The following FAF1 variants were observed in gnomAD, a reference collection of about 807,000 sequenced individuals.
FAF1 encodes FAS-associated factor 1.
In FAF1, 25 loss-of-function variants were observed where a neutral mutation model predicts 92.5. That is an observed-to-expected ratio of 0.27 (90% CI 0.20 to 0.38). The LOEUF (loss-of-function observed/expected upper bound fraction) is 0.38, where lower values mean the gene tolerates loss of function less well. Among genes scored for constraint, FAF1 ranks in the 10% least tolerant of loss-of-function variants. FAF1 has a pLI of 1.00. For missense variants in FAF1, 636 were observed against 793.3 expected (o/e 0.80, Z 2.38); for synonymous variants, 234 against 273.2 (o/e 0.86, Z 1.42).
intron 1 of FAF1, among the ~76,000 whole-genome samples, chr1:50,873,660 T>C (rs72904726): frequency 0.066 from 10,086 of 152,294 alleles, 410 homozygotes; most frequent in East Asian, 0.094. Flanking sequence ...ACTCCTTTTC[T>C]AGGGATTTCT....
intron 1 of FAF1, among the ~76,000 whole-genome samples, chr1:50,919,074 G>A (rs947445206): frequency 1.3e-5 from 2 of 152,086 alleles, no homozygotes; most frequent in Non-Finnish European, 1.5e-5. Context: ...TGAAGTGTCA[G>A]GAATGTTATT....
At chr1:50,810,208 T>C (rs368064681) in intron 2 of FAF1, among the ~76,000 whole-genome samples, 75 of 152,118 alleles carry the variant, frequency 4.9e-4, no homozygotes, top group South Asian at 1.9e-3. Context: ...TGAACCAAGA[T>C]TGCACCATTG....
chr1:50,739,019 T>C, intron 5 of FAF1, 65 bp from the exon 6 acceptor site: 7 of 1,016,026 alleles, frequency 6.9e-6, no homozygotes, highest in Non-Finnish European at 1.0e-5. Context: ...TGATTTTTCC[T>C]GTAATTCTTG....
intron 6 of FAF1, among the ~76,000 whole-genome samples, chr1:50,731,375 T>A (rs966083056): frequency 2.7e-4 from 40 of 149,946 alleles, no homozygotes; most frequent in Non-Finnish European, 5.5e-4. Context: ...CTTTTCTCTT[T>A]TTTTTTTTTT....
intron 4 of FAF1, among the ~76,000 whole-genome samples, chr1:50,771,921 C>CA (rs1390574672): frequency 1.3e-5 from 2 of 151,984 alleles, no homozygotes. Flanking sequence ...AACAAACAAA[C>CA]AAAATGCCAA....
At chr1:50,666,669 G>A (rs572167181) in intron 7 of FAF1, among the ~76,000 whole-genome samples, 1 of 152,252 alleles carries the variant, frequency 6.6e-6, no homozygotes, top group South Asian at 2.1e-4. Context: ...GATCACCTGA[G>A]GTCAGAAGTT....
At chr1:50,560,352 C>T (rs927020922) in intron 13 of FAF1, among the ~76,000 whole-genome samples, 1 of 152,236 alleles carries the variant, frequency 6.6e-6, no homozygotes, top group Non-Finnish European at 1.5e-5. Context: ...GTCAGCACAG[C>T]AGCGGAAGTT....
chr1:50,700,778 G>A (rs1021051809), intron 7 of FAF1, among the ~76,000 whole-genome samples: 12 of 151,942 alleles, frequency 7.9e-5, no homozygotes, highest in Non-Finnish European at 1.3e-4. Context: ...TGCTTCTATC[G>A]TCTTGAAATG....
intron 8 of FAF1, among the ~76,000 whole-genome samples, chr1:50,614,754 A>T (rs1652830033): frequency 6.7e-6 from 1 of 150,342 alleles, no homozygotes; most frequent in African/African-American, 2.5e-5. Context: ...CAGGAGAATC[A>T]CTTAAACCTG....
At chr1:50,618,378 G>T (rs1653026260) in intron 8 of FAF1, among the ~76,000 whole-genome samples, 1 of 144,736 alleles carries the variant, frequency 6.9e-6, no homozygotes, top group Non-Finnish European at 1.5e-5. Context: ...TCTGGAGCAA[G>T]TTGTTTAATA....
intron 15 of FAF1, among the ~76,000 whole-genome samples, chr1:50,516,277 A>C (rs1360468454): frequency 6.6e-6 from 1 of 152,146 alleles, no homozygotes; most frequent in Non-Finnish European, 1.5e-5. Flanking sequence ...AGATTCACCT[A>C]GCCTATCCTC....
At chr1:50,667,291 A>G (rs1465246706) in intron 7 of FAF1, among the ~76,000 whole-genome samples, 1 of 152,210 alleles carries the variant, frequency 6.6e-6, no homozygotes, top group Non-Finnish European at 1.5e-5. Context: ...CACCCCTTAC[A>G]TTAGTAAGGA....
chr1:50,852,607 G>T (rs1644360321), intron 2 of FAF1, among the ~76,000 whole-genome samples: 1 of 152,132 alleles, frequency 6.6e-6, no homozygotes, highest in South Asian at 2.1e-4. Context: ...AATGTGATAA[G>T]TAATCTTAAA....
At chr1:50,925,185 C>G (rs1170827669) in intron 1 of FAF1, among the ~76,000 whole-genome samples, 1 of 151,782 alleles carries the variant, frequency 6.6e-6, no homozygotes, top group Admixed American at 6.6e-5. Flanking sequence ...GAAACTAGAC[C>G]CCTATCTATC....
intron 1 of FAF1, among the ~76,000 whole-genome samples, chr1:50,888,096 C>A (rs543416864): frequency 6.6e-6 from 1 of 152,312 alleles, no homozygotes; most frequent in South Asian, 2.1e-4. Flanking sequence ...TCCTTCACGT[C>A]CCTTGTAAGT....
At chr1:50,898,512 A>G (rs1644773249) in intron 1 of FAF1, among the ~76,000 whole-genome samples, 1 of 152,234 alleles carries the variant, frequency 6.6e-6, no homozygotes, top group South Asian at 2.1e-4. Context: ...ATTCTGTATA[A>G]TATGCTACCA....
chr1:50,837,578 A>G (rs990292923), intron 2 of FAF1, among the ~76,000 whole-genome samples: 1 of 152,222 alleles, frequency 6.6e-6, no homozygotes, highest in African/African-American at 2.4e-5. Context: ...GTAAAACGCT[A>G]GTCAAGTAAC....
At chr1:50,662,278 T>A (rs1655407779) in intron 7 of FAF1, among the ~76,000 whole-genome samples, 1 of 152,234 alleles carries the variant, frequency 6.6e-6, no homozygotes, top group African/African-American at 2.4e-5. Context: ...GGCTTTGAAC[T>A]GACTGGATTC....
At chr1:50,480,170 G>GT (rs1252868261) in intron 17 of FAF1, among the ~76,000 whole-genome samples, 2 of 151,482 alleles carry the variant, frequency 1.3e-5, no homozygotes, top group Admixed American at 1.3e-4. Context: ...CTAAAAATAT[G>GT]TGAGTATTTA....
Sources: allele counts gnomAD v4.1 joint callset (sites outside exome capture counted in the v4.1 genomes callset), GRCh38; gene constraint gnomAD v4.1.1; transcripts MANE v1.5; gene names NCBI Gene and HGNC (gene_info 2026-07-23, HGNC 2026-07-21).